Variants in DPP10 observed in about 807,000 individuals in gnomAD.
The protein encoded by DPP10 is dipeptidyl peptidase like 10.
In DPP10, 33 loss-of-function variants were observed where a neutral mutation model predicts 120.9. That is an observed-to-expected ratio of 0.27 (90% CI 0.21 to 0.37). The LOEUF (loss-of-function observed/expected upper bound fraction) is 0.37, where lower values mean the gene tolerates loss of function less well. Ranked by LOEUF, DPP10 falls within the 10% of genes least tolerant of loss-of-function variation. The pLI is 1.00. For missense variants in DPP10, 816 were observed against 942.8 expected, an observed-to-expected ratio of 0.87 and a Z score of 1.76; for synonymous variants, 337 against 326.1, an observed-to-expected ratio of 1.03 and a Z score of -0.36.
chr2:115,330,229 ATG>A (rs1257477213), intron 2 of DPP10, among the ~76,000 whole-genome samples: 1 of 152,142 alleles, frequency 6.6e-6, no homozygotes, highest in Non-Finnish European at 1.5e-5. Flanking sequence ...GGCTGCATAA[ATG>A]TCTTCTTTTG....
At chr2:115,125,249 T>G (rs1375284358) in intron 1 of DPP10, among the ~76,000 whole-genome samples, 2 of 152,226 alleles carry the variant, frequency 1.3e-5, no homozygotes. Context: ...GTATTTCTTC[T>G]ATCTCATCTT....
intron 1 of DPP10, among the ~76,000 whole-genome samples, chr2:114,819,294 A>G (rs1409051121): frequency 6.6e-6 from 1 of 151,806 alleles, no homozygotes; most frequent in Non-Finnish European, 1.5e-5. Context: ...AGTTGATTTC[A>G]GTGCTATTCT....
intron 1 of DPP10, among the ~76,000 whole-genome samples, chr2:115,181,690 A>G (rs992985529): frequency 2.0e-5 from 3 of 152,180 alleles, no homozygotes; most frequent in Non-Finnish European, 4.4e-5. Flanking sequence ...AAAGCAGGAC[A>G]CAGGAGCAGC....
intron 1 of DPP10, among the ~76,000 whole-genome samples, chr2:114,538,308 AAC>A (rs1414038988): frequency 1.3e-5 from 2 of 152,174 alleles, no homozygotes; most frequent in Admixed American, 1.3e-4. Flanking sequence ...TCTTCCATGT[AAC>A]ACAGACTACT....
intron 1 of DPP10, among the ~76,000 whole-genome samples, chr2:115,111,597 C>G (rs139787121): frequency 1.3e-5 from 2 of 152,124 alleles, no homozygotes; most frequent in Admixed American, 6.5e-5. Flanking sequence ...CAAGGTGACT[C>G]TCGTCAACCA....
intron 1 of DPP10, among the ~76,000 whole-genome samples, chr2:115,307,499 A>G (rs2061406441): frequency 6.6e-6 from 1 of 152,134 alleles, no homozygotes; most frequent in South Asian, 2.1e-4. Context: ...GTTAATAAAT[A>G]GGAAAGTATT....
At chr2:114,451,434 G>C (rs1678268541) in intron 1 of DPP10, among the ~76,000 whole-genome samples, 1 of 152,100 alleles carries the variant, frequency 6.6e-6, no homozygotes, top group Non-Finnish European at 1.5e-5. Flanking sequence ...TGAGTATTAA[G>C]AGGGATAAAT....
At chr2:115,397,802 G>A (rs2067787326) in intron 3 of DPP10, among the ~76,000 whole-genome samples, 1 of 152,092 alleles carries the variant, frequency 6.6e-6, no homozygotes, top group Non-Finnish European at 1.5e-5. Flanking sequence ...TTCAGGTTTA[G>A]TGTTTGTATT....
intron 1 of DPP10, among the ~76,000 whole-genome samples, chr2:115,133,177 AG>A (rs1559132070): frequency 5.3e-3 from 532 of 99,904 alleles, no homozygotes; most frequent in Middle Eastern, 0.012. Context: ...ATATATATAT[AG>A]TTTTTTTTTT....
In DPP10 at chr2:115,843,015, T is replaced by C. The variant is rs1164744235; in HGVS notation, c.*670T>C. 1 of 152,640 alleles carries C rather than the reference T, an allele frequency of 6.6e-6. No individual in the cohort carries two copies. Among genetic ancestry groups the C allele is most frequent in the African/African-American group, 2.4e-5 (1 of 41,464 alleles). 9.5% of individuals were successfully genotyped at this position (152,640 alleles called of 1,614,324 possible). On this transcript the variant is annotated 3_prime_UTR_variant, in exon 26 of 26. Coordinates refer to ENST00000410059, the MANE Select transcript of DPP10 (RefSeq NM_020868.6). ...CACAATATATATACACAAGTGTGCA[T>C]ATACAGTTAATGAAACTATCTTTAA...
intron 5 of DPP10, among the ~76,000 whole-genome samples, chr2:115,662,545 G>T (rs1167233481): frequency 1.3e-5 from 2 of 151,734 alleles, no homozygotes; most frequent in African/African-American, 4.8e-5. Context: ...GAGCTAAAAT[G>T]AACTAATCAT....
intron 1 of DPP10, among the ~76,000 whole-genome samples, chr2:115,214,944 G>C (rs948682893): frequency 4.6e-5 from 7 of 152,270 alleles, no homozygotes; most frequent in Admixed American, 4.6e-4. Context: ...TGAGCTTGCT[G>C]TCCTGTTGGC....
At chr2:114,938,670 T>G in intron 1 of DPP10, among the ~76,000 whole-genome samples, 1 of 152,072 alleles carries the variant, frequency 6.6e-6, no homozygotes, top group South Asian at 2.1e-4. Context: ...GAAGTGACAT[T>G]TTTCCTTAGG....
At chr2:115,273,576 T>A (rs908191954) in intron 1 of DPP10, among the ~76,000 whole-genome samples, 1 of 152,178 alleles carries the variant, frequency 6.6e-6, no homozygotes, top group African/African-American at 2.4e-5. Context: ...GACCTCGTGA[T>A]CCGCCCGCCT....
At chr2:114,656,038 A>G (rs1051618666) in intron 1 of DPP10, among the ~76,000 whole-genome samples, 6 of 152,186 alleles carry the variant, frequency 3.9e-5, no homozygotes, top group Admixed American at 3.3e-4. Context: ...TACAGGGGGC[A>G]TAGTTCTATC....
intron 1 of DPP10, among the ~76,000 whole-genome samples, chr2:114,492,095 C>T (rs942721090): frequency 1.3e-5 from 2 of 152,140 alleles, no homozygotes; most frequent in African/African-American, 4.8e-5. Flanking sequence ...ATTTCTGTTT[C>T]TCTGGTTAAG....
At chr2:115,770,118 C>A (rs1417529918) in intron 13 of DPP10, among the ~76,000 whole-genome samples, 1 of 151,972 alleles carries the variant, frequency 6.6e-6, no homozygotes, top group African/African-American at 2.4e-5. Context: ...CTAGATCTTA[C>A]CCATTCTATC....
At chr2:115,797,369 A>G (rs1329200160) in intron 19 of DPP10, among the ~76,000 whole-genome samples, 1 of 152,056 alleles carries the variant, frequency 6.6e-6, no homozygotes, top group African/African-American at 2.4e-5. Context: ...GAAGACATAT[A>G]TATTCCAATA....
At chr2:115,367,412 C>CT (rs2065143701) in intron 3 of DPP10, among the ~76,000 whole-genome samples, 1 of 151,908 alleles carries the variant, frequency 6.6e-6, no homozygotes. Flanking sequence ...AATATGATGT[C>CT]TACTATATAC....
Sources: allele counts gnomAD v4.1 joint callset (sites outside exome capture counted in the v4.1 genomes callset), GRCh38; gene constraint gnomAD v4.1.1; transcripts MANE v1.5; gene names NCBI Gene and HGNC (gene_info 2026-07-23, HGNC 2026-07-21).